The following ZNF573 variants were observed in gnomAD, a reference collection of about 807,000 sequenced individuals.
ZNF573 encodes zinc finger protein 573.
Under a neutral mutation model 57.4 loss-of-function variants are expected in ZNF573, and 41 were observed. The ratio of observed to expected loss-of-function variants is 0.71; its 90% CI spans 0.56 to 0.93. The LOEUF is 0.93. Among genes scored for constraint, ZNF573 ranks in the 40% least tolerant of loss-of-function variants. The probability of loss-of-function intolerance (pLI) is 0.00; values close to 1 mark genes in which losing one functional copy is unlikely to be tolerated. For missense variants in ZNF573, 730 were observed against 794.8 expected, an observed-to-expected ratio of 0.92 and a Z score of 0.98; for synonymous variants, 249 against 261.0, an observed-to-expected ratio of 0.95 and a Z score of 0.44.
chr19:37,745,046 T>C (rs558605377), intron 4 of ZNF573, among the ~76,000 whole-genome samples: 8 of 151,816 alleles, frequency 5.3e-5, no homozygotes, highest in Non-Finnish European at 1.0e-4. Flanking sequence ...CCTCCCAAAG[T>C]GCTGGGATTA....
intron 2 of ZNF573, chr19:37,772,864 G>T: frequency 1.3e-6 from 1 of 745,606 alleles, no homozygotes; most frequent in Non-Finnish European, 1.6e-6. Flanking sequence ...CAAACTCCTG[G>T]CCTCAAGTGA....
At chr19:37,766,291 C>A (rs1477379304) in intron 4 of ZNF573, among the ~76,000 whole-genome samples, 1 of 152,158 alleles carries the variant, frequency 6.6e-6, no homozygotes, top group Non-Finnish European at 1.5e-5. Flanking sequence ...AGAACCTAAA[C>A]CATTCACTCC....
At chr19:37,748,487 T>C (rs2045402867) in intron 4 of ZNF573, among the ~76,000 whole-genome samples, 1 of 151,414 alleles carries the variant, frequency 6.6e-6, no homozygotes, top group Non-Finnish European at 1.5e-5. Context: ...TTCTGCAATA[T>C]TCTTGGCAAA....
intron 4 of ZNF573, among the ~76,000 whole-genome samples, chr19:37,741,471 G>T (rs1428612544): frequency 6.6e-6 from 1 of 152,170 alleles, no homozygotes; most frequent in Non-Finnish European, 1.5e-5. Context: ...TCACTGTGTT[G>T]CTTATCCACC....
At chr19:37,779,487 A>G (rs1283014063) in intron 1 of ZNF573, 57 bp downstream of exon 1, 1 of 152,250 alleles carries the variant, frequency 6.6e-6, no homozygotes, top group African/African-American at 2.4e-5. Flanking sequence ...TTGATTGCCC[A>G]GAGCCCTCCC....
At chr19:37,746,330 A>G (rs1160700454) in intron 4 of ZNF573, among the ~76,000 whole-genome samples, 1 of 152,218 alleles carries the variant, frequency 6.6e-6, no homozygotes, top group Non-Finnish European at 1.5e-5. Flanking sequence ...AATGTGTTAC[A>G]CATACACTGG....
At chr19:37,768,958 G>T (rs926837303) in intron 4 of ZNF573, among the ~76,000 whole-genome samples, 1 of 150,294 alleles carries the variant, frequency 6.7e-6, no homozygotes, top group East Asian at 2.0e-4. Context: ...GAGCCGCTGC[G>T]CCCGGCCTAT....
chr19:37,760,114 C>T (rs2045537064), intron 4 of ZNF573, among the ~76,000 whole-genome samples: 1 of 152,176 alleles, frequency 6.6e-6, no homozygotes, highest in African/African-American at 2.4e-5. Context: ...CACATTGCCA[C>T]ACATACGTAC....
In ZNF573 at chr19:37,740,195, C is replaced by A; in HGVS notation, c.296-1G>T. 2 of 1,547,878 alleles carry A rather than the reference C, an allele frequency of 1.3e-6. No individual in the cohort carries two copies. The highest frequency in any genetic ancestry group is 1.2e-5 in the South Asian group (1 of 80,524). On this transcript the variant is annotated splice_acceptor_variant, in intron 4 of 4. Coordinates refer to ENST00000536220, the MANE Select transcript of ZNF573 (RefSeq NM_001172690.2). LOFTEE classifies it high-confidence loss of function. ...ATTATCTCACACTGTAAATCCAAAT[C>A]TGAAACAAAAGAGGACAACAAAAAA... is the stretch of plus-strand genomic sequence containing the variant.
chr19:37,767,437 T>G (rs1338242746), intron 4 of ZNF573, among the ~76,000 whole-genome samples: 1 of 152,010 alleles, frequency 6.6e-6, no homozygotes, highest in African/African-American at 2.4e-5. Flanking sequence ...GTTTCGCCGT[T>G]TTAGCCAGGA....
At position 37,752,069 on chromosome 19, in the gene ZNF573, ATG is replaced by A. The variant is rs535234354; in HGVS notation, c.296-11877_296-11876del. 5.8e-3 allele frequency among the ~76,000 whole-genome samples: 887 copies of A among 151,698 alleles called. 11 individuals are homozygous for A. Among genetic ancestry groups the A allele is most frequent in the African/African-American group, 0.02 (838 of 41,336 alleles). The stretch of plus-strand genomic sequence containing the variant: ...AGTACAGTATATAGACAGAAAGACT[ATG>A]TGTGTATATATATACACATACACTT... On this transcript the variant is annotated intron_variant, in intron 4 of 4. Coordinates refer to ENST00000536220, the MANE Select transcript of ZNF573 (RefSeq NM_001172690.2).
intron 4 of ZNF573, among the ~76,000 whole-genome samples, chr19:37,756,093 G>C (rs143199021): frequency 6.6e-6 from 1 of 152,170 alleles, no homozygotes; most frequent in Non-Finnish European, 1.5e-5. Flanking sequence ...CTGTGAAAAG[G>C]CTGTTGGCTC....
rs1447104873 is a variant in ZNF573, at chr19:37,738,564, C to G, written c.1926G>C (p.Gln642His). The G allele has an allele frequency of 6.3e-7, 1 of 1,591,570 alleles. No homozygotes were observed. The highest frequency in any genetic ancestry group is 8.5e-7 in the Non-Finnish European group (1 of 1,171,492). The stretch of plus-strand genomic sequence containing the variant: ...AACCATATCTGAAGGTTTTCCCACA[C>G]TGCTTACACACATAGGGTTTCTCAC... ...HTGEKPYVCK[Q>H]CGKTFRYGSA... is the part of the protein sequence containing the mutation. Residue 642 changes from glutamine (Q) to histidine (H), a missense_variant, in exon 5 of 5, where the codon CAG becomes CAC. By Grantham distance (24) the Gln-to-His change is conservative. Transcript: ENST00000536220.
At chr19:37,776,020 G>T (rs963175386) in intron 1 of ZNF573, among the ~76,000 whole-genome samples, 2 of 152,090 alleles carry the variant, frequency 1.3e-5, no homozygotes, top group Non-Finnish European at 2.9e-5. Flanking sequence ...CCCCGCTCAT[G>T]GATAGGTAGA....
rs117997277 is a variant in ZNF573 at position 37,764,103 on chromosome 19, C to T, written c.295+5902G>A. On this transcript the variant is annotated intron_variant, in intron 4 of 4. Coordinates refer to ENST00000536220, the MANE Select transcript of ZNF573 (RefSeq NM_001172690.2). ...AAAAATAGAATAAAGGAAATGAATACTTGCATGGTATTTTAATTTTATCAT... is the reference window on the plus strand; with the variant it reads ...AAAAATAGAATAAAGGAAATGAATATTTGCATGGTATTTTAATTTTATCAT... Among the ~76,000 whole-genome samples, 935 of 149,834 alleles carry T rather than the reference C, an allele frequency of 6.2e-3. 26 individuals carry two copies. Among genetic ancestry groups the T allele is most frequent in the East Asian group, 0.053 (270 of 5,110 alleles).
intron 1 of ZNF573, among the ~76,000 whole-genome samples, chr19:37,779,201 C>A (rs1238941423): frequency 6.6e-6 from 1 of 152,154 alleles, no homozygotes; most frequent in East Asian, 1.9e-4. Context: ...GCAAGCACAG[C>A]CACTCACTCA....
At chr19:37,765,580 C>G (rs1019518259) in intron 4 of ZNF573, among the ~76,000 whole-genome samples, 2 of 152,068 alleles carry the variant, frequency 1.3e-5, no homozygotes, top group African/African-American at 4.8e-5. Flanking sequence ...TGTGGTGGCA[C>G]GTGCCTGTAA....
At chr19:37,750,961 T>C (rs2045428758) in intron 4 of ZNF573, among the ~76,000 whole-genome samples, 1 of 151,830 alleles carries the variant, frequency 6.6e-6, no homozygotes. Context: ...CAAGTATCAG[T>C]ACTCATACTT....
chr19:37,775,858 A>C (rs896353086), intron 1 of ZNF573, among the ~76,000 whole-genome samples: 16 of 142,726 alleles, frequency 1.1e-4, no homozygotes, highest in African/African-American at 3.3e-4. Context: ...AAAAAAAAAA[A>C]CCACAAAAGA....
Sources: gnomAD v4.1 joint callset for allele counts (sites outside exome capture counted in the v4.1 genomes callset) on GRCh38, gnomAD v4.1.1 for gene constraint, MANE v1.5 for transcripts, NCBI Gene and HGNC (gene_info 2026-07-23, HGNC 2026-07-21) for gene names.